The following IGF2BP1 variants were observed in gnomAD, a reference collection of about 807,000 sequenced individuals.
IGF2BP1 encodes the protein insulin like growth factor 2 mRNA binding protein 1, also known as insulin-like growth factor 2 mRNA-binding protein 1.
IGF2BP1 carries 11 observed loss-of-function variants against 74.9 expected under a neutral mutation model. The observed-to-expected ratio is 0.15, with a 90% CI of 0.09 to 0.24. The LOEUF is 0.24. Ranked by LOEUF, IGF2BP1 falls within the 10% of genes least tolerant of loss-of-function variation. IGF2BP1 has a pLI of 1.00. For missense variants in IGF2BP1, 440 were observed against 757.4 expected, an observed-to-expected ratio of 0.58 and a Z score of 4.92; for synonymous variants, 287 against 281.8, an observed-to-expected ratio of 1.02 and a Z score of -0.18.
In IGF2BP1 at chr17:48,997,979, C is replaced by A; in HGVS notation, c.175+59C>A. On this transcript the variant is annotated intron_variant, in intron 1 of 14. Coordinates refer to ENST00000290341, the MANE Select transcript of IGF2BP1 (RefSeq NM_006546.4). The surrounding 1 kb of genome is among the most constrained non-coding windows in gnomAD (Gnocchi z 4.8). ...ACGAGAGCCCCGAACAACGGAGACC[C>A]GCACCTTCCGGTTCCTCTCCCGCCA... 6.4e-7 allele frequency: 1 copy of A among 1,559,676 alleles called. No homozygotes were observed. The highest frequency in any genetic ancestry group is 8.7e-7 in the Non-Finnish European group (1 of 1,146,650).
intron 14 of IGF2BP1, among the ~76,000 whole-genome samples, chr17:49,047,668 C>T (rs952851468): frequency 2.0e-5 from 3 of 151,548 alleles, no homozygotes; most frequent in Non-Finnish European, 4.4e-5. Context: ...GGAGTTGGAC[C>T]TCTTATTGAC....
At chr17:49,022,747 AAAG>A in intron 2 of IGF2BP1, among the ~76,000 whole-genome samples, 1 of 152,208 alleles carries the variant, frequency 6.6e-6, no homozygotes, top group Non-Finnish European at 1.5e-5. Flanking sequence ...TCCACGAAAG[AAAG>A]CCTCTAAAAC....
At position 49,055,717 on chromosome 17, in the gene IGF2BP1, C is replaced by T. The variant is rs1175878796; in HGVS notation, c.*6273C>T. ...AAACCAGAGTGAATCAAAAGAGCTT[C>T]CTCCCCTGAGGCAAAGTGGATTTGT... is the stretch of plus-strand genomic sequence containing the variant. On this transcript the variant is annotated 3_prime_UTR_variant, in exon 15 of 15. Transcript: ENST00000290341. 1 of 398,382 alleles carries T rather than the reference C, an allele frequency of 2.5e-6. No homozygotes were observed. The highest frequency in any genetic ancestry group is 4.4e-6 in the Non-Finnish European group (1 of 226,058). The allele number at this position is 398,382 out of a possible 1,614,324, so 24.7% of individuals were successfully genotyped here.
In IGF2BP1 at chr17:48,997,681, G is replaced by A; in HGVS notation, c.-65G>A. The A allele has an allele frequency of 1.9e-6, 3 of 1,555,920 alleles. No individual in the cohort carries two copies. Among genetic ancestry groups the A allele is most frequent in the Non-Finnish European group, 2.6e-6 (3 of 1,143,106 alleles). ...GCCTCTCCGCCTCTTGGCCTAGGAG[G>A]CTCGCCGCCCGCGCCCGCTCGTTCG... On this transcript the variant is annotated 5_prime_UTR_variant, in exon 1 of 15. Coordinates refer to ENST00000290341, the MANE Select transcript of IGF2BP1 (RefSeq NM_006546.4). This position sits in a 1 kb window ranked among gnomAD's most constrained non-coding sequence, Gnocchi z 4.8.
Position 49,019,926 on chromosome 17 carries a change from ATATATATATATATATATATATATT to A in IGF2BP1, c.237-5685_237-5662del, listed in dbSNP as rs1385299197. 4.6e-3 allele frequency among the ~76,000 whole-genome samples: 284 copies of A among 62,120 alleles called. 3 individuals carry two copies. The highest frequency in any genetic ancestry group is 0.012 in the African/African-American group (143 of 12,122). 40.8% of individuals were successfully genotyped at this position (62,120 alleles called of 152,430 possible). On this transcript the variant is annotated intron_variant, in intron 2 of 14. Coordinates refer to ENST00000290341, the MANE Select transcript of IGF2BP1 (RefSeq NM_006546.4). ...AATTTATATATATATATATATATAT[ATATATATATATATATATATATATT>A]TATATACACACACACACACACACAC...
intron 2 of IGF2BP1, among the ~76,000 whole-genome samples, chr17:49,005,778 C>G (rs1225601396): frequency 6.6e-6 from 1 of 151,528 alleles, no homozygotes; most frequent in Non-Finnish European, 1.5e-5. Context: ...ATCACTCATT[C>G]AGGACAGGCA....
intron 2 of IGF2BP1, chr17:49,014,670 A>G: frequency 1.6e-6 from 1 of 615,334 alleles, no homozygotes; most frequent in Non-Finnish European, 2.0e-6. Flanking sequence ...CATGGTTGGC[A>G]GCTAGGGGGA....
At chr17:49,000,513 A>G (rs2041476423) in intron 2 of IGF2BP1, among the ~76,000 whole-genome samples, 1 of 152,242 alleles carries the variant, frequency 6.6e-6, no homozygotes, top group African/African-American at 2.4e-5. Flanking sequence ...AGGCAATAAA[A>G]TGGGAAGGAA....
At chr17:49,026,589 C>T in intron 4 of IGF2BP1, 72 bp downstream of exon 4, 1 of 1,305,348 alleles carries the variant, frequency 7.7e-7, no homozygotes. Flanking sequence ...TGTTCTGCTT[C>T]ACTTTGTTTC....
intron 3 of IGF2BP1, 170 bp from the exon 4 acceptor site, chr17:49,026,296 C>A: frequency 1.7e-6 from 1 of 584,164 alleles, no homozygotes; most frequent in South Asian, 2.3e-5. Context: ...GCAAAGATAC[C>A]CCATCAGCAT....
chr17:49,017,305 A>C (rs1027095685), intron 2 of IGF2BP1, among the ~76,000 whole-genome samples: 9 of 152,114 alleles, frequency 5.9e-5, no homozygotes, highest in Non-Finnish European at 1.2e-4. Context: ...AAATCAAACC[A>C]GGTCCCCTGC....
At chr17:49,043,824 G>T (rs2042080179) in intron 10 of IGF2BP1, 143 bp from the exon 11 acceptor site, 3 of 1,181,934 alleles carry the variant, frequency 2.5e-6, no homozygotes, top group Non-Finnish European at 3.5e-6. Context: ...AAGAGCTAAA[G>T]AGCTCACAGC....
chr17:49,031,865 C>T (rs377748415), intron 4 of IGF2BP1, 45 bp from the exon 5 acceptor site: 1 of 1,563,372 alleles, frequency 6.4e-7, no homozygotes, highest in African/African-American at 1.4e-5. Context: ...TTGATTGGGC[C>T]TCCAGATTTC....
At chr17:49,045,827 C>G (rs1336838984) in intron 12 of IGF2BP1, 63 bp from the exon 13 acceptor site, 1 of 1,554,248 alleles carries the variant, frequency 6.4e-7, no homozygotes, top group Non-Finnish European at 8.7e-7. Flanking sequence ...CTTCCTTTTT[C>G]CCACTTTTCT....
intron 2 of IGF2BP1, among the ~76,000 whole-genome samples, chr17:49,021,446 T>C (rs1460576242): frequency 6.6e-6 from 1 of 152,170 alleles, no homozygotes; most frequent in Non-Finnish European, 1.5e-5. Context: ...GCCTCCTCCT[T>C]GGCCCAGCAG....
intron 14 of IGF2BP1, among the ~76,000 whole-genome samples, chr17:49,049,059 A>G (rs1458379277): frequency 6.6e-6 from 1 of 152,176 alleles, no homozygotes; most frequent in Non-Finnish European, 1.5e-5. Context: ...GTCAAGTTTT[A>G]AATTCTGATG....
intron 5 of IGF2BP1, among the ~76,000 whole-genome samples, chr17:49,034,583 T>G (rs563944659): frequency 4.6e-5 from 7 of 151,374 alleles, no homozygotes; most frequent in Non-Finnish European, 7.4e-5. Flanking sequence ...CTATAAAAAT[T>G]ACAAAATATT....
At chr17:49,015,089 C>T (rs1259993533) in intron 2 of IGF2BP1, 3 of 226,424 alleles carry the variant, frequency 1.3e-5, no homozygotes, top group Non-Finnish European at 1.5e-5. Flanking sequence ...AATGCAACCT[C>T]AGCCTCCCGA....
chr17:49,019,258 G>T (rs1287756797), intron 2 of IGF2BP1, among the ~76,000 whole-genome samples: 4 of 152,096 alleles, frequency 2.6e-5, no homozygotes. Flanking sequence ...GCCTCTTTCT[G>T]AGACCATCTC....
Sources: gnomAD v4.1 joint callset for allele counts (sites outside exome capture counted in the v4.1 genomes callset) on GRCh38, gnomAD v4.1.1 for gene constraint, Gnocchi (gnomAD v3.1) non-coding constraint, MANE v1.5 for transcripts, NCBI Gene and HGNC (gene_info 2026-07-23, HGNC 2026-07-21) for gene names.